SORCS1: variants seen among roughly 807,000 people sequenced by gnomAD.
SORCS1 encodes the protein VPS10 domain-containing receptor SorCS1.
SORCS1 carries 60 observed loss-of-function variants against 146.1 expected under a neutral mutation model. That is an observed-to-expected ratio of 0.41 (90% CI 0.33 to 0.51). SORCS1 has a LOEUF of 0.51. SORCS1 is among the 20% of genes least tolerant of loss of function. SORCS1 has a pLI of 0.21. For synonymous variants in SORCS1, 637 were observed against 584.0 expected, an observed-to-expected ratio of 1.09 and a Z score of -1.31; for missense variants, 1,352 against 1,487.6, an observed-to-expected ratio of 0.91 and a Z score of 1.50.
At chr10:106,580,253 C>T (rs983290785) in intron 24 of SORCS1, among the ~76,000 whole-genome samples, 5 of 152,158 alleles carry the variant, frequency 3.3e-5, no homozygotes, top group Non-Finnish European at 7.4e-5. Context: ...TCTCCACAAT[C>T]TCCCAAAAGC....
chr10:107,023,546 C>T, intron 1 of SORCS1, among the ~76,000 whole-genome samples: 1 of 152,040 alleles, frequency 6.6e-6, no homozygotes, highest in Non-Finnish European at 1.5e-5. Flanking sequence ...TTTTTATAGT[C>T]TTAGAAAAAT....
At chr10:106,945,797 G>A (rs1351909118) in intron 2 of SORCS1, among the ~76,000 whole-genome samples, 10 of 152,214 alleles carry the variant, frequency 6.6e-5, no homozygotes, top group Admixed American at 1.3e-4. Flanking sequence ...GTCAATCACT[G>A]AGGCAAACAA....
chr10:106,615,370 G>A (rs942452278), intron 21 of SORCS1, among the ~76,000 whole-genome samples: 5 of 152,122 alleles, frequency 3.3e-5, no homozygotes, highest in Non-Finnish European at 7.4e-5. Context: ...GGAAACCCAC[G>A]TGCTTCCTAA....
intron 6 of SORCS1, among the ~76,000 whole-genome samples, chr10:106,712,431 G>A (rs887929462): frequency 1.3e-5 from 2 of 152,164 alleles, no homozygotes; most frequent in Non-Finnish European, 2.9e-5. Flanking sequence ...ACTTGGATAA[G>A]AACTCGGATA....
At chr10:107,077,080 C>G (rs1209816191) in intron 1 of SORCS1, among the ~76,000 whole-genome samples, 1 of 152,084 alleles carries the variant, frequency 6.6e-6, no homozygotes, top group African/African-American at 2.4e-5. Context: ...CAACCAATCA[C>G]TTTTATCTTC....
intron 2 of SORCS1, among the ~76,000 whole-genome samples, chr10:106,874,363 C>A (rs1950529021): frequency 6.6e-6 from 1 of 152,100 alleles, no homozygotes; most frequent in Admixed American, 6.6e-5. Flanking sequence ...ATTATTATGA[C>A]ATTCATAATA....
Position 106,859,569 on chromosome 10 carries a change from T to G in SORCS1, c.627-29896A>C, listed in dbSNP as rs1458585948. Among the ~76,000 whole-genome samples the G allele has an allele frequency of 2.0e-5, 3 of 152,116 alleles. No individual in the cohort carries two copies. The East Asian group carries it at 5.8e-4, about 29-fold the overall frequency. ...CCACCATGCCCAGGTAATTTTTGTA[T>G]TTTTAGTAGAGACGGGTTTTACCAT... On this transcript the variant is annotated intron_variant, in intron 2 of 25. Transcript: ENST00000263054.
intron 2 of SORCS1, among the ~76,000 whole-genome samples, chr10:106,897,458 TA>T (rs201392241): frequency 6.6e-6 from 1 of 151,910 alleles, no homozygotes. Flanking sequence ...TGTCCTACAT[TA>T]AAAAAAAGAT....
chr10:107,110,665 C>T (rs916928012), intron 1 of SORCS1, among the ~76,000 whole-genome samples: 7 of 141,376 alleles, frequency 5.0e-5, no homozygotes, highest in African/African-American at 1.6e-4. Flanking sequence ...TACAATTCAA[C>T]GTGAGATTTC....
intron 1 of SORCS1, among the ~76,000 whole-genome samples, chr10:107,091,225 A>G (rs12240947): frequency 0.45 from 67,901 of 152,080 alleles, 15,938 homozygotes; most frequent in Middle Eastern, 0.61. Flanking sequence ...AGAGCTGGTG[A>G]GTAGCCCCAT....
intron 1 of SORCS1, among the ~76,000 whole-genome samples, chr10:106,992,850 T>TTTTA (rs1956827490): frequency 9.9e-6 from 1 of 100,754 alleles, no homozygotes; most frequent in South Asian, 3.1e-4. Context: ...TTTTTTTTTT[T>TTTTA]GAGACAGAGT....
intron 2 of SORCS1, among the ~76,000 whole-genome samples, chr10:106,932,554 C>T (rs575576732): frequency 1.2e-4 from 19 of 152,328 alleles, no homozygotes; most frequent in Non-Finnish European, 2.5e-4. Flanking sequence ...CTTATGCTTG[C>T]TTCTTGGACA....
chr10:106,911,109 A>G (rs983058396), intron 2 of SORCS1, among the ~76,000 whole-genome samples: 2 of 152,232 alleles, frequency 1.3e-5, no homozygotes, highest in African/African-American at 4.8e-5. Flanking sequence ...TGTAAAGATC[A>G]AGGAAGAAAA....
intron 10 of SORCS1, among the ~76,000 whole-genome samples, chr10:106,685,757 C>T (rs751142264): frequency 1.5e-4 from 23 of 152,008 alleles, no homozygotes; most frequent in Non-Finnish European, 2.6e-4. Context: ...GGGGCCTCAT[C>T]GGTCATGATA....
intron 2 of SORCS1, among the ~76,000 whole-genome samples, chr10:106,869,744 G>T (rs1482258829): frequency 6.6e-6 from 1 of 152,114 alleles, no homozygotes. Flanking sequence ...CATACTGAAT[G>T]GGCAACAGCT....
At chr10:106,957,724 T>C (rs1955031591) in intron 1 of SORCS1, among the ~76,000 whole-genome samples, 1 of 152,106 alleles carries the variant, frequency 6.6e-6, no homozygotes, top group South Asian at 2.1e-4. Context: ...AAAGAAGCCG[T>C]AGAATTGTGG....
intron 1 of SORCS1, among the ~76,000 whole-genome samples, chr10:106,991,900 T>G (rs1281646491): frequency 6.6e-6 from 1 of 152,258 alleles, no homozygotes; most frequent in East Asian, 1.9e-4. Flanking sequence ...TTTCTACATT[T>G]AGAATCTGAT....
At chr10:106,824,614 C>T (rs1444539336) in intron 3 of SORCS1, among the ~76,000 whole-genome samples, 4 of 147,924 alleles carry the variant, frequency 2.7e-5, no homozygotes, top group Admixed American at 1.3e-4. Flanking sequence ...AAGTCACATA[C>T]ATGATACACA....
chr10:106,626,435 T>C (rs1479914115), intron 19 of SORCS1, among the ~76,000 whole-genome samples: 1 of 152,174 alleles, frequency 6.6e-6, no homozygotes, highest in Non-Finnish European at 1.5e-5. Flanking sequence ...CTAGTCAGAA[T>C]GCCCGACTCA....
Sources: allele counts gnomAD v4.1 joint callset (sites outside exome capture counted in the v4.1 genomes callset), GRCh38; gene constraint gnomAD v4.1.1; transcripts MANE v1.5; gene names NCBI Gene and HGNC (gene_info 2026-07-23, HGNC 2026-07-21).